UTRN: variants seen among roughly 807,000 people sequenced by gnomAD.
UTRN encodes the protein utrophin, also known as dystrophin-related protein 1.
Under a neutral mutation model 463.9 loss-of-function variants are expected in UTRN, and 283 were observed. That is an observed-to-expected ratio of 0.61 (90% confidence interval 0.55 to 0.67). The LOEUF is 0.67. Among genes scored for constraint, UTRN ranks in the 30% least tolerant of loss-of-function variants. The probability of loss-of-function intolerance (pLI) is 0.00; values close to 1 mark genes in which losing one functional copy is unlikely to be tolerated. For synonymous variants in UTRN, 1,442 were observed against 1,431.5 expected (o/e 1.01, Z -0.17); for missense variants, 3,922 against 4,084.3 (o/e 0.96, Z 1.08).
At position 144,423,980 on chromosome 6, in the gene UTRN, T is replaced by C. The variant is rs1344952424; in HGVS notation, c.313-6T>C. The C allele has an allele frequency of 6.2e-7, 1 of 1,612,918 alleles. No individual in the cohort carries two copies. The highest frequency in any genetic ancestry group is 1.3e-5 in the African/African-American group (1 of 74,906). On this transcript the variant is annotated splice_region_variant and splice_polypyrimidine_tract_variant and intron_variant, in intron 5 of 74. Coordinates refer to ENST00000367545, the MANE Select transcript of UTRN (RefSeq NM_007124.3). ...TTTGTTTTTGTTTTTTGTTTTGTCT[T>C]AATAGGTGGAATTAGTGAATATAGG...
In UTRN at chr6:144,567,466, A is replaced by G. The variant is rs9497005; in HGVS notation, c.7290-9633A>G. Reference sequence around the variant, plus strand: ...CTTGACTATTTATTTCCTGACAATCACAGCCCCAAGAGAGATGCTCCTTTG... The same window carrying G: ...CTTGACTATTTATTTCCTGACAATCGCAGCCCCAAGAGAGATGCTCCTTTG... On this transcript the variant is annotated intron_variant, in intron 50 of 74. Coordinates refer to ENST00000367545, the MANE Select transcript of UTRN (RefSeq NM_007124.3). Among the ~76,000 whole-genome samples, 664 of 152,284 alleles carry G rather than the reference A, an allele frequency of 4.4e-3. 3 individuals are homozygous for G. The highest frequency in any genetic ancestry group is 0.015 in the African/African-American group (641 of 41,556).
intron 41 of UTRN, among the ~76,000 whole-genome samples, chr6:144,530,322 A>G (rs952540787): frequency 6.6e-6 from 1 of 152,186 alleles, no homozygotes; most frequent in South Asian, 2.1e-4. Flanking sequence ...TCCACCTATT[A>G]TAAGGACACC....
intron 13 of UTRN, among the ~76,000 whole-genome samples, chr6:144,442,741 C>G (rs1787300435): frequency 6.6e-6 from 1 of 152,136 alleles, no homozygotes; most frequent in Non-Finnish European, 1.5e-5. Flanking sequence ...CCACCAAGTT[C>G]CTCTCAAAAA....
intron 3 of UTRN, among the ~76,000 whole-genome samples, chr6:144,411,634 T>A (rs1783905808): frequency 6.6e-6 from 1 of 152,234 alleles, no homozygotes; most frequent in African/African-American, 2.4e-5. Flanking sequence ...TGGTTTGGCA[T>A]GTGTTTTACA....
At chr6:144,452,081 C>A (rs1788378895) in intron 18 of UTRN, among the ~76,000 whole-genome samples, 1 of 152,114 alleles carries the variant, frequency 6.6e-6, no homozygotes, top group East Asian at 1.9e-4. Flanking sequence ...GGTAGAGAAT[C>A]TATAGTCTAG....
chr6:144,401,543 A>G (rs972413937), intron 2 of UTRN, among the ~76,000 whole-genome samples: 3 of 152,162 alleles, frequency 2.0e-5, no homozygotes, highest in East Asian at 1.9e-4. Context: ...CCTTTCTTGA[A>G]GGAAGGTCAC....
chr6:144,708,060 G>T (rs1586137895), intron 53 of UTRN: 1 of 189,388 alleles, frequency 5.3e-6, no homozygotes. Context: ...GTATTTTTTT[G>T]AAAATTAACT....
intron 51 of UTRN, among the ~76,000 whole-genome samples, chr6:144,610,857 A>G (rs1805430055): frequency 6.6e-6 from 1 of 152,180 alleles, no homozygotes; most frequent in African/African-American, 2.4e-5. Context: ...CCTCGGGGAC[A>G]AGAGCAAGAC....
At chr6:144,716,374 A>G (rs1002966338) in intron 53 of UTRN, among the ~76,000 whole-genome samples, 1 of 152,168 alleles carries the variant, frequency 6.6e-6, no homozygotes, top group African/African-American at 2.4e-5. Context: ...AGAAGCTTAA[A>G]CATGTGGAGT....
chr6:144,583,422 G>T, intron 51 of UTRN: 1 of 641,896 alleles, frequency 1.6e-6, no homozygotes, highest in South Asian at 1.9e-5. Context: ...ATTGTCCAGT[G>T]ACCGGGAGGA....
intron 47 of UTRN, among the ~76,000 whole-genome samples, chr6:144,550,482 G>A (rs923388086): frequency 1.3e-5 from 2 of 151,984 alleles, no homozygotes; most frequent in Non-Finnish European, 2.9e-5. Flanking sequence ...GCAGTTTTTC[G>A]TGTCTAAGAG....
chr6:144,555,741 A>C (rs1381686554), intron 49 of UTRN, among the ~76,000 whole-genome samples: 1 of 152,166 alleles, frequency 6.6e-6, no homozygotes, highest in Non-Finnish European at 1.5e-5. Context: ...TCACTATCAC[A>C]AGAACAGCAC....
At chr6:144,646,073 C>T (rs1778271417) in intron 51 of UTRN, among the ~76,000 whole-genome samples, 1 of 152,122 alleles carries the variant, frequency 6.6e-6, no homozygotes, top group African/African-American at 2.4e-5. Flanking sequence ...GGTAACAAGG[C>T]CTAGGTCTAC....
At chr6:144,764,751 A>G (rs1221841971) in intron 58 of UTRN, among the ~76,000 whole-genome samples, 1 of 152,252 alleles carries the variant, frequency 6.6e-6, no homozygotes, top group Non-Finnish European at 1.5e-5. Flanking sequence ...ATTTCATATA[A>G]CCATATAGAA....
intron 41 of UTRN, among the ~76,000 whole-genome samples, chr6:144,526,048 A>C (rs1363300970): frequency 6.6e-6 from 1 of 152,070 alleles, no homozygotes; most frequent in Non-Finnish European, 1.5e-5. Flanking sequence ...CTGAGAGAGT[A>C]CTTGATGTAA....
intron 2 of UTRN, among the ~76,000 whole-genome samples, chr6:144,365,457 A>G (rs1175162349): frequency 6.6e-6 from 1 of 152,138 alleles, no homozygotes; most frequent in East Asian, 1.9e-4. Context: ...ATGTACATAA[A>G]CCACTTAGGA....
At chr6:144,340,555 A>G (rs1272921911) in intron 2 of UTRN, among the ~76,000 whole-genome samples, 1 of 152,066 alleles carries the variant, frequency 6.6e-6, no homozygotes, top group Non-Finnish European at 1.5e-5. Context: ...TTGTTCTGTA[A>G]TTCTCTCTCC....
intron 51 of UTRN, among the ~76,000 whole-genome samples, chr6:144,647,878 A>G (rs995473319): frequency 2.0e-5 from 3 of 152,250 alleles, no homozygotes; most frequent in African/African-American, 7.2e-5. Context: ...TACCTGTGCC[A>G]CATAGTGAAT....
intron 51 of UTRN, among the ~76,000 whole-genome samples, chr6:144,654,109 A>C (rs1469716476): frequency 6.6e-6 from 1 of 152,166 alleles, no homozygotes; most frequent in Non-Finnish European, 1.5e-5. Flanking sequence ...TGTAAGTGTG[A>C]GTGGTTCATG....
Sources: gnomAD v4.1 joint callset for allele counts (sites outside exome capture counted in the v4.1 genomes callset) on GRCh38, gnomAD v4.1.1 for gene constraint, MANE v1.5 for transcripts, NCBI Gene and HGNC (gene_info 2026-07-23, HGNC 2026-07-21) for gene names.